MYO1D: variants seen among roughly 807,000 people sequenced by gnomAD.
MYO1D encodes myosin ID.
A neutral mutation model predicts 122.0 loss-of-function variants in MYO1D; 83 were observed. The observed-to-expected ratio is 0.68, with a 90% CI of 0.57 to 0.82. The LOEUF (loss-of-function observed/expected upper bound fraction) is 0.82. Among genes scored for constraint, MYO1D ranks in the 40% least tolerant of loss-of-function variants. The probability of loss-of-function intolerance (pLI) is 0.00; values close to 1 mark genes in which losing one functional copy is unlikely to be tolerated. For missense variants in MYO1D, 1,157 were observed against 1,269.5 expected (o/e 0.91, Z 1.35); for synonymous variants, 464 against 446.9 (o/e 1.04, Z -0.48).
chr17:32,756,574 C>T (rs547950659), intron 10 of MYO1D, among the ~76,000 whole-genome samples: 22 of 140,810 alleles, frequency 1.6e-4, no homozygotes, highest in East Asian at 8.1e-4. Flanking sequence ...CCACTTAAAA[C>T]GGAAAAAAAA....
At chr17:32,769,882 T>A (rs2090096491) in intron 6 of MYO1D, among the ~76,000 whole-genome samples, 3 of 152,120 alleles carry the variant, frequency 2.0e-5, no homozygotes, top group Admixed American at 1.3e-4. Flanking sequence ...GGCTATTAAT[T>A]TAATACTTGC....
intron 13 of MYO1D, among the ~76,000 whole-genome samples, chr17:32,742,379 T>C (rs909361178): frequency 1.8e-4 from 27 of 152,230 alleles, no homozygotes; most frequent in African/African-American, 6.5e-4. Flanking sequence ...TAAATCCACA[T>C]GCTGTTTGGT....
chr17:32,864,353 C>T (rs534471357), intron 1 of MYO1D, among the ~76,000 whole-genome samples: 1 of 151,686 alleles, frequency 6.6e-6, no homozygotes, highest in Non-Finnish European at 1.5e-5. Context: ...AAAGGCATGT[C>T]CCTTAGAAAC....
At chr17:32,592,720 C>T (rs8066862) in intron 21 of MYO1D, among the ~76,000 whole-genome samples, 30,912 of 148,814 alleles carry the variant, frequency 0.21, 3,957 homozygotes, top group African/African-American at 0.35. Flanking sequence ...TACAAATGTT[C>T]GATATAACTT....
At chr17:32,698,340 TCCTC>T (rs1245376935) in intron 16 of MYO1D, among the ~76,000 whole-genome samples, 1 of 119,204 alleles carries the variant, frequency 8.4e-6, no homozygotes, top group Non-Finnish European at 1.7e-5. Context: ...TTTCCTTCCT[TCCTC>T]CCTCCCTCTC....
chr17:32,823,480 G>C (rs1352176344), intron 1 of MYO1D, among the ~76,000 whole-genome samples: 1 of 152,136 alleles, frequency 6.6e-6, no homozygotes, highest in Non-Finnish European at 1.5e-5. Context: ...TTTCAATCTA[G>C]ACAACATGCA....
chr17:32,518,410 A>C (rs74490335), intron 21 of MYO1D: 4,014 of 152,286 alleles, frequency 0.026, 84 homozygotes, highest in Middle Eastern at 0.051. Flanking sequence ...CGGGAAACCT[A>C]ATCTATCTTA....
At chr17:32,817,245 G>A (rs1164969759) in intron 1 of MYO1D, among the ~76,000 whole-genome samples, 1 of 152,094 alleles carries the variant, frequency 6.6e-6, no homozygotes, top group Non-Finnish European at 1.5e-5. Context: ...AATGTTACAA[G>A]AATACATTAG....
rs934811280 is a variant in MYO1D at position 32,626,329 on chromosome 17, T to C, written c.2709+12393A>G. Among the ~76,000 whole-genome samples the C allele has an allele frequency of 3.3e-5, 5 of 152,366 alleles. No individual in the cohort carries two copies. The East Asian group carries it at 5.8e-4, about 18-fold the overall frequency. The stretch of plus-strand genomic sequence containing the variant: ...TGCAAATGTAGAGATGTAAAAAATA[T>C]ATACATCTCCGTGTATGGCTTTGTT... On this transcript the variant is annotated intron_variant, in intron 20 of 21. Transcript: ENST00000318217.
intron 21 of MYO1D, among the ~76,000 whole-genome samples, chr17:32,546,790 T>A (rs1335989244): frequency 6.6e-6 from 1 of 152,204 alleles, no homozygotes; most frequent in African/African-American, 2.4e-5. Flanking sequence ...AAATCAGTAA[T>A]GCCCAGATGC....
chr17:32,765,521 C>T (rs2090046840), intron 7 of MYO1D, among the ~76,000 whole-genome samples: 1 of 151,872 alleles, frequency 6.6e-6, no homozygotes, highest in Non-Finnish European at 1.5e-5. Flanking sequence ...GCAAGTGGTG[C>T]GATCTTGGCT....
intron 1 of MYO1D, among the ~76,000 whole-genome samples, chr17:32,865,027 G>A (rs970447928): frequency 5.3e-5 from 8 of 152,150 alleles, no homozygotes; most frequent in Admixed American, 2.0e-4. Context: ...GACGGAACAC[G>A]GGATAAGATG....
intron 19 of MYO1D, among the ~76,000 whole-genome samples, chr17:32,650,437 T>C (rs759955347): frequency 7.9e-5 from 12 of 152,242 alleles, no homozygotes; most frequent in African/African-American, 1.2e-4. Flanking sequence ...ATTTAACATT[T>C]CATCAAATTT....
chr17:32,635,553 C>G (rs1046973377), intron 20 of MYO1D, among the ~76,000 whole-genome samples: 2 of 152,078 alleles, frequency 1.3e-5, no homozygotes, highest in African/African-American at 4.8e-5. Context: ...ATTAGCTGGG[C>G]ACGGTGGCAG....
intron 16 of MYO1D, among the ~76,000 whole-genome samples, chr17:32,660,711 TA>T (rs1378730735): frequency 6.6e-6 from 1 of 152,142 alleles, no homozygotes; most frequent in African/African-American, 2.4e-5. Context: ...AATGAGGCAA[TA>T]AAAACTAACT....
intron 1 of MYO1D, among the ~76,000 whole-genome samples, chr17:32,876,301 A>C (rs547083747): frequency 1.5e-3 from 233 of 152,274 alleles, no homozygotes; most frequent in African/African-American, 5.4e-3. Context: ...CGAAGAAAGA[A>C]AGAAAAGAAG....
chr17:32,677,580 A>ATATAT (rs2088834937), intron 16 of MYO1D, among the ~76,000 whole-genome samples: 1 of 135,878 alleles, frequency 7.4e-6, no homozygotes, highest in Non-Finnish European at 1.6e-5. Context: ...TAGATAGATA[A>ATATAT]ATATATATAT....
At chr17:32,628,879 C>T (rs1247020602) in intron 20 of MYO1D, among the ~76,000 whole-genome samples, 2 of 152,112 alleles carry the variant, frequency 1.3e-5, no homozygotes, top group Non-Finnish European at 2.9e-5. Context: ...CAATAGCACT[C>T]CTATTTATTC....
intron 6 of MYO1D, 129 bp from the exon 7 acceptor site, chr17:32,767,881 C>T (rs2090074777): frequency 4.9e-6 from 3 of 610,300 alleles, no homozygotes; most frequent in Non-Finnish European, 8.6e-6. Flanking sequence ...GGTGAGTCTC[C>T]AGAGAAAATA....
Sources: allele counts gnomAD v4.1 joint callset (sites outside exome capture counted in the v4.1 genomes callset), GRCh38; gene constraint gnomAD v4.1.1; transcripts MANE v1.5; gene names NCBI Gene and HGNC (gene_info 2026-07-23, HGNC 2026-07-21).